COL4A4: variants seen among roughly 807,000 people sequenced by gnomAD.
COL4A4 encodes the protein collagen alpha-4(IV) chain.
Under a neutral mutation model 192.9 loss-of-function variants are expected in COL4A4, and 105 were observed. The ratio of observed to expected loss-of-function variants is 0.54; its 90% CI spans 0.46 to 0.64. The LOEUF is 0.64. COL4A4 is among the 30% of genes least tolerant of loss of function. The probability of loss-of-function intolerance (pLI) is 0.00; values close to 1 mark genes in which losing one functional copy is unlikely to be tolerated. For synonymous variants in COL4A4, 762 were observed against 769.9 expected (o/e 0.99, Z 0.17); for missense variants, 1,967 against 2,169.3 (o/e 0.91, Z 1.85).
chr2:227,052,186 C>T (rs1274889515), intron 32 of COL4A4, 119 bp downstream of exon 32: 2 of 681,078 alleles, frequency 2.9e-6, no homozygotes, highest in African/African-American at 3.6e-5. Context: ...AGCAAAACTC[C>T]ATCTCAAAAA....
At chr2:227,121,887 T>G (rs1262893437) in intron 4 of COL4A4, among the ~76,000 whole-genome samples, 3 of 152,216 alleles carry the variant, frequency 2.0e-5, no homozygotes, top group Non-Finnish European at 1.5e-5. Flanking sequence ...AATCAAAGTT[T>G]TATTTACCTT....
At chr2:227,145,656 T>C (rs1293269790) in intron 2 of COL4A4, among the ~76,000 whole-genome samples, 2 of 152,194 alleles carry the variant, frequency 1.3e-5, no homozygotes. Flanking sequence ...TTGTTCTCTG[T>C]AGAGCCTTCT....
chr2:227,047,619 C>T (rs1052062265), intron 34 of COL4A4, 70 bp from the exon 35 acceptor site: 29 of 955,814 alleles, frequency 3.0e-5, no homozygotes, highest in South Asian at 5.3e-5. Context: ...GTGACAGTAA[C>T]GTTTATGGTA....
intron 16 of COL4A4, 56 bp from the exon 17 acceptor site, chr2:227,101,613 T>C: frequency 1.3e-6 from 2 of 1,503,270 alleles, no homozygotes; most frequent in Non-Finnish European, 9.2e-7. Context: ...TGACAAATTA[T>C]CTCATTCTCA....
At chr2:227,161,608 G>A (rs1331139953) in intron 1 of COL4A4, among the ~76,000 whole-genome samples, 2 of 152,182 alleles carry the variant, frequency 1.3e-5, no homozygotes, top group Non-Finnish European at 2.9e-5. Context: ...GGAATAGGTG[G>A]TTAAATGTGG....
intron 29 of COL4A4, among the ~76,000 whole-genome samples, chr2:227,056,351 A>G (rs1019435884): frequency 1.4e-4 from 5 of 35,466 alleles, no homozygotes; most frequent in African/African-American, 7.3e-4. Context: ...GTAGATTATA[A>G]AAAATATTTT....
intron 19 of COL4A4, among the ~76,000 whole-genome samples, chr2:227,097,897 G>A (rs769793064): frequency 4.6e-5 from 7 of 152,130 alleles, no homozygotes; most frequent in Admixed American, 2.6e-4. Flanking sequence ...GTAAAACTAC[G>A]TTTACTCAAG....
intron 1 of COL4A4, among the ~76,000 whole-genome samples, chr2:227,155,775 T>G (rs2078635): frequency 0.48 from 73,625 of 151,880 alleles, 19,347 homozygotes; most frequent in East Asian, 0.62. Context: ...TTGCTATCTC[T>G]GTGCTCATGG....
chr2:227,044,481 C>A (rs1366639356), intron 35 of COL4A4, among the ~76,000 whole-genome samples: 1 of 152,112 alleles, frequency 6.6e-6, no homozygotes, highest in Non-Finnish European at 1.5e-5. Context: ...AGGAAACAAG[C>A]TTTTGTTAGT....
intron 18 of COL4A4, 67 bp from the exon 19 acceptor site, chr2:227,098,865 T>A: frequency 1.1e-5 from 14 of 1,321,748 alleles, no homozygotes; most frequent in Non-Finnish European, 1.3e-5. Flanking sequence ...AGACAACAAT[T>A]ACTTTTTGTG....
intron 2 of COL4A4, among the ~76,000 whole-genome samples, chr2:227,146,511 C>T (rs535658446): frequency 6.6e-6 from 1 of 152,262 alleles, no homozygotes; most frequent in Non-Finnish European, 1.5e-5. Flanking sequence ...TGAACAATCT[C>T]ATATTGGTTT....
intron 22 of COL4A4, among the ~76,000 whole-genome samples, chr2:227,085,584 A>T (rs763079405): frequency 7.9e-5 from 12 of 152,162 alleles, no homozygotes; most frequent in Non-Finnish European, 1.6e-4. Flanking sequence ...GAAGCTTCCA[A>T]TCATGGCGGA....
chr2:227,104,535 T>C (rs1206108183), intron 12 of COL4A4, among the ~76,000 whole-genome samples: 79 of 150,362 alleles, frequency 5.3e-4, no homozygotes, highest in Non-Finnish European at 1.0e-3. Context: ...TGAGCAGAGA[T>C]TGTGCCACTG....
chr2:227,008,191 C>T lies in COL4A4; in HGVS notation c.4636G>A (p.Ala1546Thr), dbSNP rs371599457. 24 of 1,614,162 alleles carry T rather than the reference C, an allele frequency of 1.5e-5. No homozygotes were observed. Among genetic ancestry groups the T allele is most frequent in the Admixed American group, 5.0e-5 (3 of 60,028 alleles). Reference sequence around the variant, plus strand: ...AGTGGCATCATGGGGAGGGGCGCAGCGCTGGCCAGCCAGTAGGATCTGTCG... The same window carrying T: ...AGTGGCATCATGGGGAGGGGCGCAGTGCTGGCCAGCCAGTAGGATCTGTCG... ...RNDRSYWLAS[A>T]APLPMMPLSE... The change falls in exon 47 of 48, where the codon GCT becomes ACT. Residue 1546 changes from alanine (A) to threonine (T), a missense_variant. By Grantham distance (58) the Ala-to-Thr change is moderately conservative. Transcript: ENST00000396625.
chr2:227,122,922 T>C (rs1438971376), intron 4 of COL4A4, among the ~76,000 whole-genome samples: 1 of 152,092 alleles, frequency 6.6e-6, no homozygotes, highest in Non-Finnish European at 1.5e-5. Flanking sequence ...TGGAGTGCAG[T>C]GGTGTGATCG....
At chr2:227,060,270 G>T in intron 26 of COL4A4, 27 bp from the exon 27 acceptor site, 1 of 1,487,382 alleles carries the variant, frequency 6.7e-7, no homozygotes, top group Non-Finnish European at 9.4e-7. Context: ...ACAAAACACA[G>T]ACTCAATAAA....
At chr2:227,110,988 T>C (rs2061171067) in intron 9 of COL4A4, among the ~76,000 whole-genome samples, 1 of 152,210 alleles carries the variant, frequency 6.6e-6, no homozygotes, top group South Asian at 2.1e-4. Context: ...CCGGCAAAAC[T>C]GCTCTCAATT....
chr2:227,002,495 T>TC (rs1331329427), downstream of COL4A4, among the ~76,000 whole-genome samples: 1 of 152,164 alleles, frequency 6.6e-6, no homozygotes, highest in African/African-American at 2.4e-5. Context: ...ATACAGACCT[T>TC]CCCCCTGAGG....
chr2:227,122,561 T>C (rs995628820), intron 4 of COL4A4, among the ~76,000 whole-genome samples: 1 of 152,180 alleles, frequency 6.6e-6, no homozygotes, highest in African/African-American at 2.4e-5. Context: ...GTCGCATCTA[T>C]ATAAAAACTG....
Sources: gnomAD v4.1 joint callset for allele counts (sites outside exome capture counted in the v4.1 genomes callset) on GRCh38, gnomAD v4.1.1 for gene constraint, MANE v1.5 for transcripts, NCBI Gene and HGNC (gene_info 2026-07-23, HGNC 2026-07-21) for gene names.